Variants in XYLT1 observed in about 807,000 individuals in gnomAD.
The protein encoded by XYLT1 is beta-D-xylosyltransferase 1.
A neutral mutation model predicts 91.3 loss-of-function variants in XYLT1; 36 were observed. The ratio of observed to expected loss-of-function variants is 0.39; its 90% confidence interval spans 0.30 to 0.52. XYLT1 has a LOEUF of 0.52. XYLT1 is among the 20% of genes least tolerant of loss of function. The pLI is 0.68. For synonymous variants in XYLT1, 588 were observed against 532.0 expected (o/e 1.11, Z -1.45); for missense variants, 1,242 against 1,284.5 (o/e 0.97, Z 0.51).
chr16:17,394,079 G>A (rs986661849), intron 1 of XYLT1, among the ~76,000 whole-genome samples: 2 of 151,974 alleles, frequency 1.3e-5, no homozygotes, highest in African/African-American at 4.8e-5. Context: ...CCGGCCAATT[G>A]ATTTTTTTTT....
In XYLT1 at chr16:17,322,450, GA is replaced by G. The variant is rs535625381; in HGVS notation, c.402+35561del. ...GAGACAGAGTGCTGCAGTGTCCTTT[GA>G]AGAATTTCATGCAGCTGAGATAGGG... On this transcript the variant is annotated intron_variant, in intron 2 of 11. Coordinates refer to ENST00000261381, the MANE Select transcript of XYLT1 (RefSeq NM_022166.4). Among the ~76,000 whole-genome samples, 11 of 152,272 alleles carry G rather than the reference GA, an allele frequency of 7.2e-5. No individual in the cohort carries two copies. In the South Asian group the frequency reaches 2.3e-3, roughly 32 times the overall value.
At chr16:17,331,093 C>G (rs2034891172) in intron 2 of XYLT1, among the ~76,000 whole-genome samples, 1 of 152,222 alleles carries the variant, frequency 6.6e-6, no homozygotes, top group Non-Finnish European at 1.5e-5. Context: ...CCAGCTTTTC[C>G]CAATATCTCC....
intron 11 of XYLT1, among the ~76,000 whole-genome samples, chr16:17,111,377 T>G (rs575219909): frequency 1.3e-5 from 2 of 152,334 alleles, no homozygotes; most frequent in Non-Finnish European, 2.9e-5. Context: ...CTTGTTTTAT[T>G]GCTCAGTAGA....
rs1419906785 is a variant in XYLT1, at chr16:17,106,892, C to T, written c.*1803G>A. On this transcript the variant is annotated 3_prime_UTR_variant, in exon 12 of 12. Transcript: ENST00000261381. ...AAGATGCGGGTTGGAGCTTTCTTTG[C>T]GTGGTGTTCGATGCCCCTGCTTTAC... 3.9e-5 allele frequency: 6 copies of T among 152,114 alleles called. No homozygotes were observed. Among genetic ancestry groups the T allele is most frequent in the Admixed American group, 1.3e-4 (2 of 15,272 alleles). 9.4% of individuals were successfully genotyped at this position (152,114 alleles called of 1,614,324 possible). A position where few individuals can be genotyped will look rare whatever the true frequency, so the allele number is the denominator to read the frequency against.
In XYLT1 at chr16:17,114,711, G is replaced by A. The variant is rs546354216; in HGVS notation, c.2557+2935C>T. Among the ~76,000 whole-genome samples, 178 of 152,222 alleles carry A rather than the reference G, an allele frequency of 1.2e-3. 2 individuals are homozygous for A. Among genetic ancestry groups the A allele is most frequent in the Non-Finnish European group, 1.6e-3 (106 of 68,012 alleles). On this transcript the variant is annotated intron_variant, in intron 11 of 11. Coordinates refer to ENST00000261381, the MANE Select transcript of XYLT1 (RefSeq NM_022166.4). Reference sequence around the variant, plus strand: ...AGCTAAGAGGCTGTAATGCATTTCTGGCTTTTGAGTTTGTGATCTGTTAGA... The same window carrying A: ...AGCTAAGAGGCTGTAATGCATTTCTAGCTTTTGAGTTTGTGATCTGTTAGA...
rs764307606 is a variant in XYLT1 at position 17,323,393 on chromosome 16, C to T, written c.402+34619G>A. On this transcript the variant is annotated intron_variant, in intron 2 of 11. Coordinates refer to ENST00000261381, the MANE Select transcript of XYLT1 (RefSeq NM_022166.4). Reference sequence around the variant, plus strand: ...ACGGCACCATTGGGAATTCCTAACTCGGGCAAAGCAGGGATAATTAAAACC... The same window carrying T: ...ACGGCACCATTGGGAATTCCTAACTTGGGCAAAGCAGGGATAATTAAAACC... Among the ~76,000 whole-genome samples the T allele has an allele frequency of 3.9e-5, 6 of 152,182 alleles. No individual in the cohort carries two copies. In the South Asian group the frequency reaches 6.2e-4, roughly 16 times the overall value.
At chr16:17,279,199 T>C (rs766966897) in intron 2 of XYLT1, among the ~76,000 whole-genome samples, 1 of 152,228 alleles carries the variant, frequency 6.6e-6, no homozygotes, top group Non-Finnish European at 1.5e-5. Context: ...AAAGCCAGAC[T>C]ACCTGGGTTC....
chr16:17,136,735 T>C (rs1414138630), intron 8 of XYLT1, among the ~76,000 whole-genome samples: 1 of 152,132 alleles, frequency 6.6e-6, no homozygotes, highest in African/African-American at 2.4e-5. Context: ...GCAAGAACTC[T>C]GAGTTCCTTA....
At chr16:17,114,789 G>A (rs558658003) in intron 11 of XYLT1, among the ~76,000 whole-genome samples, 9 of 152,052 alleles carry the variant, frequency 5.9e-5, no homozygotes, top group East Asian at 1.9e-4. Flanking sequence ...CTGTTTCTAC[G>A]AGTTTGTGTT....
At chr16:17,271,800 G>C (rs1302886033) in intron 2 of XYLT1, among the ~76,000 whole-genome samples, 1 of 152,136 alleles carries the variant, frequency 6.6e-6, no homozygotes, top group Non-Finnish European at 1.5e-5. Flanking sequence ...CATACTGGCC[G>C]ATCTCAGCTG....
At chr16:17,193,715 A>T (rs760309118) in intron 5 of XYLT1, 1 of 152,226 alleles carries the variant, frequency 6.6e-6, no homozygotes, top group South Asian at 2.1e-4. Context: ...CTGGGATGGG[A>T]GAAGTAGTGG....
chr16:17,292,560 T>C (rs1159979037), intron 2 of XYLT1, among the ~76,000 whole-genome samples: 2 of 152,228 alleles, frequency 1.3e-5, no homozygotes, highest in Non-Finnish European at 2.9e-5. Flanking sequence ...TGTGGATCCC[T>C]GTACAGCTCT....
chr16:17,138,634 G>A (rs138907566), intron 7 of XYLT1, 103 bp from the exon 8 acceptor site: 2 of 1,383,814 alleles, frequency 1.4e-6, no homozygotes, highest in African/African-American at 1.4e-5. Flanking sequence ...TGTAAGAACT[G>A]GTTGTTTAAA....
chr16:17,116,472 T>G (rs994861837), intron 11 of XYLT1, among the ~76,000 whole-genome samples: 2 of 152,212 alleles, frequency 1.3e-5, no homozygotes, highest in African/African-American at 4.8e-5. Context: ...AACACTATGT[T>G]TTAGGGACTC....
intron 5 of XYLT1, among the ~76,000 whole-genome samples, chr16:17,178,351 G>A (rs1189109181): frequency 6.6e-6 from 1 of 152,146 alleles, no homozygotes; most frequent in Non-Finnish European, 1.5e-5. Flanking sequence ...AAGGCCTAGG[G>A]GAGGTAGAGC....
At chr16:17,422,306 C>T (rs964608404) in intron 1 of XYLT1, among the ~76,000 whole-genome samples, 1 of 152,026 alleles carries the variant, frequency 6.6e-6, no homozygotes, top group African/African-American at 2.4e-5. Context: ...AAGTCATCCT[C>T]CCACCTTAGC....
chr16:17,207,274 G>T (rs1001286766), intron 3 of XYLT1, among the ~76,000 whole-genome samples: 1 of 152,016 alleles, frequency 6.6e-6, no homozygotes, highest in Admixed American at 6.5e-5. Context: ...TGGCTGGGTT[G>T]GTCTCGAACT....
At chr16:17,331,829 C>T (rs140524223) in intron 2 of XYLT1, among the ~76,000 whole-genome samples, 8 of 152,288 alleles carry the variant, frequency 5.3e-5, no homozygotes, top group African/African-American at 7.2e-5. Context: ...TGCCTTGACA[C>T]CTGGGGAAAG....
At chr16:17,408,973 T>C (rs939537081) in intron 1 of XYLT1, among the ~76,000 whole-genome samples, 3 of 152,204 alleles carry the variant, frequency 2.0e-5, no homozygotes, top group Admixed American at 6.5e-5. Context: ...TTAGACAGCG[T>C]TGAGAACCCA....
Sources: allele counts gnomAD v4.1 joint callset (sites outside exome capture counted in the v4.1 genomes callset), GRCh38; gene constraint gnomAD v4.1.1; transcripts MANE v1.5; gene names NCBI Gene and HGNC (gene_info 2026-07-23, HGNC 2026-07-21).